The following FSTL4 variants were observed in gnomAD, a reference collection of about 807,000 sequenced individuals.
The protein encoded by FSTL4 is follistatin-related protein 4.
In FSTL4, 28 loss-of-function variants were observed where a neutral mutation model predicts 78.2. That is an observed-to-expected ratio of 0.36 (90% CI 0.27 to 0.49). FSTL4 has a LOEUF of 0.49. FSTL4 is among the 20% of genes least tolerant of loss of function. The pLI is 0.98. For missense variants in FSTL4, 922 were observed against 1,084.9 expected, an observed-to-expected ratio of 0.85 and a Z score of 2.11; for synonymous variants, 422 against 440.5, an observed-to-expected ratio of 0.96 and a Z score of 0.53.
chr5:133,597,979 G>C (rs1203960267), intron 2 of FSTL4, among the ~76,000 whole-genome samples: 1 of 152,074 alleles, frequency 6.6e-6, no homozygotes, highest in Non-Finnish European at 1.5e-5. Context: ...AGGAGCCACG[G>C]GTTCCAAGAG....
intron 3 of FSTL4, among the ~76,000 whole-genome samples, chr5:133,471,048 T>TATATATAAA (rs1561730158): frequency 3.2e-4 from 49 of 151,364 alleles, no homozygotes; most frequent in African/African-American, 1.2e-3. Context: ...GAAGGATATA[T>TATATATAAA]GTCTTTAGGC....
chr5:133,372,220 T>C (rs1448235940), intron 4 of FSTL4, among the ~76,000 whole-genome samples: 5 of 93,566 alleles, frequency 5.3e-5, no homozygotes, highest in Non-Finnish European at 1.2e-4. Flanking sequence ...GAATTATCTA[T>C]CTATGTATCT....
the FSTL4 span, among the ~76,000 whole-genome samples, chr5:133,803,350 G>A: frequency 2.0e-5 from 3 of 152,182 alleles, no homozygotes; most frequent in Admixed American, 6.5e-5. Flanking sequence ...TAGTCTGCAT[G>A]TAAGAGCTGG....
At chr5:133,394,672 A>G (rs1755955297) in intron 4 of FSTL4, among the ~76,000 whole-genome samples, 1 of 152,094 alleles carries the variant, frequency 6.6e-6, no homozygotes, top group South Asian at 2.1e-4. Flanking sequence ...AGCCTCCCCA[A>G]CGAGCGCCGC....
At chr5:133,217,032 G>A (rs539921192) in intron 13 of FSTL4, among the ~76,000 whole-genome samples, 197 bp downstream of exon 13, 2 of 152,234 alleles carry the variant, frequency 1.3e-5, no homozygotes, top group South Asian at 2.1e-4. Flanking sequence ...TGAGTTCTAG[G>A]GAAATTATTG....
chr5:133,683,031 G>A, the FSTL4 span, among the ~76,000 whole-genome samples: 31 of 152,350 alleles, frequency 2.0e-4, no homozygotes, highest in African/African-American at 7.2e-4. Flanking sequence ...CCTTTGGGAT[G>A]TGGTTGAAGC....
chr5:133,692,561 C>T, the FSTL4 span, among the ~76,000 whole-genome samples: 150 of 152,280 alleles, frequency 9.9e-4, no homozygotes, highest in African/African-American at 2.7e-3. Context: ...GAAATTGACA[C>T]GGAGAACCCC....
intron 11 of FSTL4, among the ~76,000 whole-genome samples, chr5:133,223,270 C>T (rs939353902): frequency 6.6e-5 from 10 of 152,194 alleles, no homozygotes; most frequent in Non-Finnish European, 4.4e-5. Context: ...TGTTTTGTTC[C>T]CAGACTTATC....
At chr5:133,205,155 G>T (rs1004130135) in intron 14 of FSTL4, among the ~76,000 whole-genome samples, 17 of 152,160 alleles carry the variant, frequency 1.1e-4, no homozygotes, top group African/African-American at 3.9e-4. Context: ...TATATTTAAA[G>T]AATTTCCTTC....
chr5:133,331,948 T>A (rs185949717), intron 4 of FSTL4, among the ~76,000 whole-genome samples: 37 of 152,310 alleles, frequency 2.4e-4, no homozygotes, highest in African/African-American at 8.9e-4. Context: ...GAAACCCTCA[T>A]TTCTGTGAAA....
intron 1 of FSTL4, 40 bp from the exon 2 acceptor site, chr5:133,604,033 G>A (rs1176634738): frequency 1.4e-6 from 2 of 1,454,038 alleles, no homozygotes; most frequent in South Asian, 1.1e-5. Context: ...AAAACATTAT[G>A]AGATGGATAT....
At chr5:133,273,199 A>G (rs1407716419) in intron 6 of FSTL4, among the ~76,000 whole-genome samples, 1 of 152,272 alleles carries the variant, frequency 6.6e-6, no homozygotes, top group East Asian at 1.9e-4. Context: ...CTTGTAGCCA[A>G]GTAAAAAGAA....
At chr5:133,607,547 T>C (rs1761002858) in intron 1 of FSTL4, among the ~76,000 whole-genome samples, 1 of 152,208 alleles carries the variant, frequency 6.6e-6, no homozygotes, top group South Asian at 2.1e-4. Context: ...GGCAGACAAG[T>C]GGCAAAACTG....
chr5:133,600,321 G>A (rs1310715194), intron 2 of FSTL4, among the ~76,000 whole-genome samples: 1 of 151,952 alleles, frequency 6.6e-6, no homozygotes, highest in Non-Finnish European at 1.5e-5. Context: ...TGGTAGGATA[G>A]GTGTATGAAA....
chr5:133,530,162 G>A (rs1759221852), intron 3 of FSTL4, among the ~76,000 whole-genome samples: 1 of 152,142 alleles, frequency 6.6e-6, no homozygotes, highest in Admixed American at 6.5e-5. Context: ...GAGACACCCT[G>A]GGGTGCTGTA....
At chr5:133,431,328 G>C (rs1334672481) in intron 3 of FSTL4, among the ~76,000 whole-genome samples, 1 of 152,134 alleles carries the variant, frequency 6.6e-6, no homozygotes, top group Non-Finnish European at 1.5e-5. Flanking sequence ...AATTAGGTGT[G>C]GCCTTAGTAA....
intron 2 of FSTL4, among the ~76,000 whole-genome samples, chr5:133,599,802 G>A (rs1760818204): frequency 6.6e-6 from 1 of 151,144 alleles, no homozygotes; most frequent in Non-Finnish European, 1.5e-5. Flanking sequence ...CAGCACCCTA[G>A]CCCCAAAAGG....
chr5:133,272,493 C>G (rs73788031), intron 6 of FSTL4, among the ~76,000 whole-genome samples: 1 of 152,224 alleles, frequency 6.6e-6, no homozygotes, highest in Non-Finnish European at 1.5e-5. Context: ...TTAATATACA[C>G]GGGCTTGTTC....
At chr5:133,739,610 T>C in the FSTL4 span, among the ~76,000 whole-genome samples, 1 of 152,214 alleles carries the variant, frequency 6.6e-6, no homozygotes, top group Non-Finnish European at 1.5e-5. Context: ...GGAGCCCGCC[T>C]AAATCTTCAA....
Sources: allele counts gnomAD v4.1 joint callset (sites outside exome capture counted in the v4.1 genomes callset), GRCh38; gene constraint gnomAD v4.1.1; transcripts MANE v1.5; gene names NCBI Gene and HGNC (gene_info 2026-07-23, HGNC 2026-07-21).